Variants in ASTN2 observed in about 807,000 individuals in gnomAD.
The protein encoded by ASTN2 is astrotactin-2.
Under a neutral mutation model 139.8 loss-of-function variants are expected in ASTN2, and 54 were observed. The observed-to-expected ratio is 0.39, with a 90% confidence interval of 0.31 to 0.48. The LOEUF (loss-of-function observed/expected upper bound fraction) is 0.48. ASTN2 is among the 20% of genes least tolerant of loss of function. ASTN2 has a pLI of 0.95. For missense variants in ASTN2, 1,565 were observed against 1,725.1 expected, an observed-to-expected ratio of 0.91 and a Z score of 1.64; for synonymous variants, 756 against 719.5, an observed-to-expected ratio of 1.05 and a Z score of -0.81.
chr9:116,863,448 C>A, intron 11 of ASTN2, 135 bp downstream of exon 11: 1 of 1,143,348 alleles, frequency 8.7e-7, no homozygotes, highest in South Asian at 2.0e-5. Context: ...GGCTGGCATA[C>A]TGAAGGCCGC....
intron 13 of ASTN2, among the ~76,000 whole-genome samples, chr9:116,734,272 G>A (rs1488828585): frequency 6.6e-6 from 1 of 152,136 alleles, no homozygotes; most frequent in Admixed American, 6.5e-5. Flanking sequence ...GGGAACAGAA[G>A]ACAGACCTCT....
rs116165347 is a variant in ASTN2, at chr9:116,445,310, G to A, written c.3498-2757C>T. Among the ~76,000 whole-genome samples, 782 of 152,226 alleles carry A rather than the reference G, an allele frequency of 5.1e-3. 12 individuals carry two copies. Among genetic ancestry groups the A allele is most frequent in the African/African-American group, 0.018 (731 of 41,528 alleles). On this transcript the variant is annotated intron_variant, in intron 20 of 22. Coordinates refer to ENST00000313400, the MANE Select transcript of ASTN2 (RefSeq NM_001365068.1). ...CTGAGAAAGTGGCTTGTAAGAAGAG[G>A]ATTTTTATAAAAGCACTTATTTGTG...
intron 2 of ASTN2, among the ~76,000 whole-genome samples, chr9:117,215,826 A>T (rs1436771154): frequency 6.6e-6 from 1 of 152,062 alleles, no homozygotes; most frequent in Non-Finnish European, 1.5e-5. Context: ...AGATTGGAAG[A>T]CACTTTGCTG....
Position 117,146,477 on chromosome 9 carries a change from A to G in ASTN2, c.1016-4999T>C, listed in dbSNP as rs187086930. On this transcript the variant is annotated intron_variant, in intron 3 of 22. Transcript: ENST00000313400. ...AAAAGACAGGATGGAAGAGGAGAGA[A>G]AAAAAAAAAAAAAACAAGAATAAAA... 2.7e-4 allele frequency among the ~76,000 whole-genome samples: 7 copies of G among 26,262 alleles called. No individual in the cohort carries two copies. In the East Asian group the frequency reaches 0.011, roughly 42 times the overall value. The allele number at this position is 26,262 out of a possible 152,430, so 17.2% of individuals were successfully genotyped here. A position where few individuals can be genotyped will look rare whatever the true frequency, so the allele number is the denominator to read the frequency against.
At chr9:116,941,053 C>A (rs115775144) in intron 10 of ASTN2, among the ~76,000 whole-genome samples, 3,138 of 152,180 alleles carry the variant, frequency 0.021, 119 homozygotes, top group African/African-American at 0.072. Context: ...GTAACCTTTA[C>A]CATCTATTTT....
intron 13 of ASTN2, among the ~76,000 whole-genome samples, chr9:116,800,576 C>T (rs145362433): frequency 2.5e-3 from 377 of 152,238 alleles, no homozygotes; most frequent in African/African-American, 8.6e-3. Context: ...CCCCCTGTGG[C>T]ACCTGGGTCC....
At chr9:117,177,533 G>C (rs1210975659) in intron 3 of ASTN2, among the ~76,000 whole-genome samples, 1 of 152,112 alleles carries the variant, frequency 6.6e-6, no homozygotes, top group Non-Finnish European at 1.5e-5. Flanking sequence ...CCCTCCCTCA[G>C]AAACTAAAGG....
At chr9:116,838,516 T>C (rs1588338506) in intron 11 of ASTN2, among the ~76,000 whole-genome samples, 2 of 151,816 alleles carry the variant, frequency 1.3e-5, no homozygotes, top group Admixed American at 1.3e-4. Context: ...CTCTGCCTCC[T>C]GGGTTCAAGC....
chr9:116,574,861 C>T (rs966386653), intron 19 of ASTN2, among the ~76,000 whole-genome samples: 3 of 152,122 alleles, frequency 2.0e-5, no homozygotes, highest in African/African-American at 4.8e-5. Context: ...CTTCAGTAAC[C>T]CTCCAACTGG....
At chr9:116,880,013 TTTA>T (rs1265773690) in intron 10 of ASTN2, among the ~76,000 whole-genome samples, 5 of 152,216 alleles carry the variant, frequency 3.3e-5, no homozygotes, top group Admixed American at 1.3e-4. Context: ...TACATGTTCC[TTTA>T]TTGACATATT....
intron 1 of ASTN2, among the ~76,000 whole-genome samples, chr9:117,409,224 T>C (rs1271417220): frequency 6.6e-6 from 1 of 152,224 alleles, no homozygotes; most frequent in Non-Finnish European, 1.5e-5. Flanking sequence ...CTAATGAACA[T>C]TCTGTGGTCA....
intron 2 of ASTN2, among the ~76,000 whole-genome samples, chr9:117,282,325 T>C (rs968247247): frequency 6.6e-6 from 1 of 152,228 alleles, no homozygotes; most frequent in Non-Finnish European, 1.5e-5. Context: ...ATACACGTTC[T>C]TATTCTGCAT....
chr9:116,672,966 T>C (rs890314357), intron 16 of ASTN2, among the ~76,000 whole-genome samples: 11 of 152,210 alleles, frequency 7.2e-5, no homozygotes, highest in African/African-American at 2.7e-4. Context: ...TACAACCAAT[T>C]GAGACAAGAA....
chr9:117,154,233 G>A (rs1174883450), intron 3 of ASTN2, among the ~76,000 whole-genome samples: 2 of 151,992 alleles, frequency 1.3e-5, no homozygotes, highest in African/African-American at 2.4e-5. Context: ...AATGGATTGA[G>A]GCTAAGTTGG....
intron 7 of ASTN2, among the ~76,000 whole-genome samples, chr9:117,006,671 G>T (rs1837361879): frequency 6.6e-6 from 1 of 152,058 alleles, no homozygotes; most frequent in African/African-American, 2.4e-5. Context: ...CCCAAGGACT[G>T]TCCATCTTCC....
chr9:117,020,092 G>A (rs1334090), intron 6 of ASTN2, among the ~76,000 whole-genome samples: 108,679 of 150,106 alleles, frequency 0.72, 39,565 homozygotes, highest in Middle Eastern at 0.83. Flanking sequence ...ACATCAAAAG[G>A]GTAATCAACT....
chr9:116,685,640 G>A (rs1198518481), intron 16 of ASTN2, among the ~76,000 whole-genome samples: 1 of 152,176 alleles, frequency 6.6e-6, no homozygotes, highest in Admixed American at 6.5e-5. Context: ...GATATGTCAA[G>A]CTATAAGATA....
intron 1 of ASTN2, among the ~76,000 whole-genome samples, chr9:117,328,293 C>A (rs1272703023): frequency 6.6e-6 from 1 of 151,960 alleles, no homozygotes; most frequent in African/African-American, 2.4e-5. Context: ...GATAAATTAG[C>A]ACAGAGGAAG....
intron 5 of ASTN2, among the ~76,000 whole-genome samples, chr9:117,067,675 T>C (rs1827993414): frequency 7.4e-6 from 1 of 135,534 alleles, no homozygotes; most frequent in Admixed American, 7.3e-5. Flanking sequence ...TATCCTCTTT[T>C]ATTTCCTTGA....
Sources: allele counts gnomAD v4.1 joint callset (sites outside exome capture counted in the v4.1 genomes callset), GRCh38; gene constraint gnomAD v4.1.1; transcripts MANE v1.5; gene names NCBI Gene and HGNC (gene_info 2026-07-23, HGNC 2026-07-21).